The following POLR2F variants were observed in gnomAD, a reference collection of about 807,000 sequenced individuals.
POLR2F encodes RNA polymerase II, I and III subunit F.
A neutral mutation model predicts 22.7 loss-of-function variants in POLR2F; 12 were observed. That is an observed-to-expected ratio of 0.53 (90% confidence interval 0.34 to 0.86). The LOEUF (loss-of-function observed/expected upper bound fraction) is 0.86. Among genes scored for constraint, POLR2F ranks in the 40% least tolerant of loss-of-function variants. POLR2F has a pLI of 0.02. For missense variants in POLR2F, 126 were observed against 171.5 expected (o/e 0.73, Z 1.48); for synonymous variants, 57 against 66.0 (o/e 0.86, Z 0.66).
At chr22:38,028,752 C>T (rs571280942), downstream of POLR2F, among the ~76,000 whole-genome samples, 115 of 152,186 alleles carry the variant, frequency 7.6e-4, no homozygotes, top group African/African-American at 2.7e-3. Context: ...CCTGCACACA[C>T]ACCCTCTGAA....
chr22:38,007,643 G>A (rs1168009080), intron 1 of POLR2F, among the ~76,000 whole-genome samples: 1 of 152,202 alleles, frequency 6.6e-6, no homozygotes, highest in Non-Finnish European at 1.5e-5. Flanking sequence ...AGAGGGCACC[G>A]CGGGCCTCCA....
intron 1 of POLR2F, among the ~76,000 whole-genome samples, chr22:37,995,168 C>T (rs1013491969): frequency 2.6e-5 from 4 of 152,194 alleles, no homozygotes; most frequent in Admixed American, 1.3e-4. Context: ...TGGCCTCTGA[C>T]GTCTATCAGA....
At chr22:37,970,455 A>G (rs1451086409), downstream of POLR2F, among the ~76,000 whole-genome samples, 1 of 149,468 alleles carries the variant, frequency 6.7e-6, no homozygotes, top group Non-Finnish European at 1.5e-5. Flanking sequence ...AAAAAAAAAA[A>G]AATTAGCTGG....
chr22:38,025,622 G>T, intron 1 of POLR2F: 1 of 1,558,056 alleles, frequency 6.4e-7, no homozygotes, highest in Non-Finnish European at 8.7e-7. Context: ...ACCCTCCTAC[G>T]CACTGGCCCA....
intron 1 of POLR2F, among the ~76,000 whole-genome samples, chr22:38,015,775 T>C (rs1261280165): frequency 6.6e-6 from 1 of 152,188 alleles, no homozygotes; most frequent in Non-Finnish European, 1.5e-5. Context: ...CTTAACCATG[T>C]GCCACGCTGT....
chr22:37,963,256 A>C (rs983660516), intron 3 of POLR2F, among the ~76,000 whole-genome samples: 1 of 150,028 alleles, frequency 6.7e-6, no homozygotes, highest in Non-Finnish European at 1.5e-5. Context: ...CTCCCAAAGT[A>C]CTGGGATTAC....
intron 1 of POLR2F, among the ~76,000 whole-genome samples, chr22:38,005,937 C>T (rs1203024384): frequency 6.6e-6 from 1 of 152,140 alleles, no homozygotes; most frequent in Non-Finnish European, 1.5e-5. Flanking sequence ...TTTTAAAAAC[C>T]TTGGGCCAGA....
chr22:37,971,791 CTT>C (rs944546178), downstream of POLR2F, among the ~76,000 whole-genome samples: 3 of 152,094 alleles, frequency 2.0e-5, no homozygotes, highest in Non-Finnish European at 2.9e-5. Context: ...ATACCTGTCT[CTT>C]GAATTCTTTG....
At chr22:38,008,140 T>C (rs751260784) in intron 1 of POLR2F, among the ~76,000 whole-genome samples, 30 of 152,076 alleles carry the variant, frequency 2.0e-4, no homozygotes, top group Non-Finnish European at 7.4e-5. Context: ...CTCAGGAGAC[T>C]GAGGCAGGAG....
chr22:38,014,349 T>A (rs1601907897), intron 1 of POLR2F, among the ~76,000 whole-genome samples: 1 of 151,166 alleles, frequency 6.6e-6, no homozygotes, highest in East Asian at 1.9e-4. Context: ...GGACTTATTT[T>A]TTTTATTTTT....
intron 1 of POLR2F, among the ~76,000 whole-genome samples, chr22:38,003,577 A>AC: frequency 7.3e-6 from 1 of 137,140 alleles, no homozygotes; most frequent in East Asian, 2.2e-4. Context: ...CAGTCAGCCT[A>AC]TTTTTTTTTT....
chr22:37,968,497 G>C lies in POLR2F; in HGVS notation c.*782G>C. 1.0e-6 allele frequency: 1 copy of C among 985,940 alleles called. No individual in the cohort carries two copies. Among genetic ancestry groups the C allele is most frequent in the Non-Finnish European group, 1.2e-6 (1 of 830,442 alleles). 61.1% of individuals were successfully genotyped at this position (985,940 alleles called of 1,614,324 possible). ...GAGGCCTTGGGGACATGGTGCTGGG[G>C]TGGTGGTGCTCCTGGGTTCCAGGTG... On this transcript the variant is annotated 3_prime_UTR_variant, in exon 5 of 5. Transcript: ENST00000442738.
intron 5 of POLR2F, among the ~76,000 whole-genome samples, chr22:38,038,951 C>T (rs1179622822): frequency 6.6e-6 from 1 of 152,160 alleles, no homozygotes; most frequent in Non-Finnish European, 1.5e-5. Flanking sequence ...TAGGGGGCGG[C>T]TGGGGCTCCA....
intron 4 of POLR2F, among the ~76,000 whole-genome samples, chr22:37,979,387 C>T (rs1031885118): frequency 3.3e-5 from 5 of 152,198 alleles, no homozygotes; most frequent in East Asian, 1.9e-4. Context: ...CATGAGCCAC[C>T]GTGCCCGGCC....
intron 1 of POLR2F, among the ~76,000 whole-genome samples, chr22:38,000,209 C>T (rs1224959647): frequency 1.3e-5 from 2 of 152,208 alleles, no homozygotes; most frequent in African/African-American, 4.8e-5. Context: ...CACCTGCGCC[C>T]CCACGGTAGA....
chr22:38,020,317 A>G (rs969149419), intron 1 of POLR2F, among the ~76,000 whole-genome samples: 15 of 151,840 alleles, frequency 9.9e-5, no homozygotes, highest in African/African-American at 3.6e-4. Context: ...CAGGCTGGAG[A>G]GCAGTGGTGC....
chr22:37,978,254 AC>A lies in POLR2F; in HGVS notation c.293+11087del. On this transcript the variant is annotated intron_variant, in intron 4 of 4. Coordinates refer to the POLR2F transcript ENST00000405557. The surrounding 1 kb of genome is among the most constrained non-coding windows in gnomAD (Gnocchi z 5.0). ...AAGATGTGAGGCCCTGGGATGGGGC[AC>A]CCAGAGGACAGGACCCGGGGTGGGG... is the stretch of plus-strand genomic sequence containing the variant. The A allele has an allele frequency of 8.9e-7, 1 of 1,121,806 alleles. No individual in the cohort carries two copies. The allele number at this position is 1,121,806 out of a possible 1,614,324, so 69.5% of individuals were successfully genotyped here.
intron 2 of POLR2F, 101 bp downstream of exon 2, chr22:37,956,943 A>G (rs752866064): frequency 1.1e-6 from 1 of 907,588 alleles, no homozygotes. Flanking sequence ...TTTGTGGTCA[A>G]GGCCCCTGCC....
intron 1 of POLR2F, chr22:38,025,689 G>A (rs939624313): frequency 6.5e-7 from 1 of 1,541,976 alleles, no homozygotes; most frequent in Non-Finnish European, 8.7e-7. Context: ...GTCCTGCTGG[G>A]TGGATATCAT....
Sources: gnomAD v4.1 joint callset for allele counts (sites outside exome capture counted in the v4.1 genomes callset) on GRCh38, gnomAD v4.1.1 for gene constraint, Gnocchi (gnomAD v3.1) non-coding constraint, MANE v1.5 for transcripts, NCBI Gene and HGNC (gene_info 2026-07-23, HGNC 2026-07-21) for gene names.